Variants in PCDHGA7 observed in about 807,000 individuals in gnomAD.
PCDHGA7 encodes protocadherin gamma subfamily A, 7, also known as protocadherin gamma-A7.
A neutral mutation model predicts 58.3 loss-of-function variants in PCDHGA7; 44 were observed. The observed-to-expected ratio is 0.75, with a 90% CI of 0.59 to 0.97. The LOEUF (loss-of-function observed/expected upper bound fraction) is 0.97. PCDHGA7 is among the 50% of genes least tolerant of loss of function. The pLI is 0.00. For missense variants in PCDHGA7, 1,266 were observed against 1,188.7 expected (o/e 1.06, Z -0.96); for synonymous variants, 516 against 504.2 (o/e 1.02, Z -0.31).
Position 141,491,030 on chromosome 5 carries a change from C to T in PCDHGA7, c.2425-3777C>T. ...GTCACCAAGGTGACAGCCGTGGATG[C>T]TGATGCAGGCCACAATGCGTGGCTC... On this transcript the variant is annotated intron_variant, in intron 1 of 3. Transcript: ENST00000518325. The surrounding 1 kb of genome is among the most constrained non-coding windows in gnomAD (Gnocchi z 6.9). 6.2e-7 allele frequency: 1 copy of T among 1,614,148 alleles called. No individual in the cohort carries two copies. Among genetic ancestry groups the T allele is most frequent in the South Asian group, 1.1e-5 (1 of 91,088 alleles).
rs765563941 is a variant in PCDHGA7 at position 141,383,705 on chromosome 5, T to G, written c.806T>G (p.Leu269Arg). Residue 269 changes from leucine to arginine, a missense_variant, in exon 1 of 4, where the codon CTG (leucine) becomes CGG (arginine). By Grantham distance (102) the Leu-to-Arg change is moderately radical (BLOSUM62 -2). Transcript: ENST00000518325. ...TRLLTVHAID[L>R]DEGVNGEVTY... is the part of the protein sequence containing the mutation. ...CTGCTCACGGTACATGCTATCGACC[T>G]GGACGAGGGAGTCAATGGGGAAGTG... 3.1e-6 allele frequency: 5 copies of G among 1,613,902 alleles called. No homozygotes were observed. Among genetic ancestry groups the G allele is most frequent in the Non-Finnish European group, 4.2e-6 (5 of 1,179,894 alleles).
chr5:141,406,998 A>T (rs138992041), intron 1 of PCDHGA7, among the ~76,000 whole-genome samples: 1 of 152,234 alleles, frequency 6.6e-6, no homozygotes, highest in Non-Finnish European at 1.5e-5. Context: ...ATTTGAAAAT[A>T]AGCTTTGAAG....
chr5:141,399,704 T>A, intron 1 of PCDHGA7: 1 of 1,613,424 alleles, frequency 6.2e-7, no homozygotes, highest in Non-Finnish European at 8.5e-7. Context: ...ACCTTCGAAC[T>A]CACACTACAG....
chr5:141,412,040 G>A (rs1046669003), intron 1 of PCDHGA7: 1 of 152,230 alleles, frequency 6.6e-6, no homozygotes, highest in African/African-American at 2.4e-5. Flanking sequence ...TGTGAAAGAA[G>A]TGAACTTCTA....
chr5:141,500,989 C>T (rs779352768), intron 2 of PCDHGA7, among the ~76,000 whole-genome samples: 1 of 152,040 alleles, frequency 6.6e-6, no homozygotes, highest in Non-Finnish European at 1.5e-5. Context: ...CTGCCTCAGC[C>T]TCCTGAGTAG....
chr5:141,404,250 C>A lies in PCDHGA7; in HGVS notation c.2424+18927C>A, dbSNP rs1282621596. 2.5e-6 allele frequency: 4 copies of A among 1,613,886 alleles called. No homozygotes were observed. In the Admixed American group the frequency reaches 5.0e-5, roughly 20 times the overall value. On this transcript the variant is annotated intron_variant, in intron 1 of 3. Coordinates refer to ENST00000518325, the MANE Select transcript of PCDHGA7 (RefSeq NM_018920.4). Reference sequence around the variant, plus strand: ...ACAGACAGAGGAACTCCGCCCCTGTCCACAGAAATTCACATCACCCTGCAA... The same window carrying A: ...ACAGACAGAGGAACTCCGCCCCTGTACACAGAAATTCACATCACCCTGCAA...
At chr5:141,496,799 G>C (rs2099771487) in intron 2 of PCDHGA7, among the ~76,000 whole-genome samples, 1 of 151,912 alleles carries the variant, frequency 6.6e-6, no homozygotes, top group African/African-American at 2.4e-5. Context: ...TAAACATTGG[G>C]CTATAGGAGT....
rs1404656316 is a variant in PCDHGA7 at position 141,486,648 on chromosome 5, A to G, written c.2425-8159A>G. 6.2e-7 allele frequency: 1 copy of G among 1,613,298 alleles called. No individual in the cohort carries two copies. The highest frequency in any genetic ancestry group is 8.5e-7 in the Non-Finnish European group (1 of 1,179,892). The stretch of plus-strand genomic sequence containing the variant: ...TCTGGCTTGAATGCGCTTATCTCCT[A>G]CTCACTCCTGGAGCCCAGGAATCGA... On this transcript the variant is annotated intron_variant, in intron 1 of 3. Coordinates refer to ENST00000518325, the MANE Select transcript of PCDHGA7 (RefSeq NM_018920.4). This position sits in a 1 kb window ranked among gnomAD's most constrained non-coding sequence, Gnocchi z 5.0.
intron 1 of PCDHGA7, among the ~76,000 whole-genome samples, chr5:141,438,833 T>C (rs989612425): frequency 6.6e-6 from 1 of 150,476 alleles, no homozygotes; most frequent in Non-Finnish European, 1.5e-5. Context: ...AGCTAATTTT[T>C]TAAAATATTT....
At position 141,424,020 on chromosome 5, in the gene PCDHGA7, C is replaced by A. The variant is rs1326303938; in HGVS notation, c.2424+38697C>A. ...TATATAGATACAAATTAATGATTCA[C>A]AAACACTTTTTATTTCCATTTCAAT... On this transcript the variant is annotated intron_variant, in intron 1 of 3. Coordinates refer to ENST00000518325, the MANE Select transcript of PCDHGA7 (RefSeq NM_018920.4). 3 of 1,050,122 alleles carry A rather than the reference C, an allele frequency of 2.9e-6. No individual in the cohort carries two copies. In the East Asian group the frequency reaches 2.2e-4, roughly 77 times the overall value. The allele number at this position is 1,050,122 out of a possible 1,614,324, so 65.1% of individuals were successfully genotyped here. A position where few individuals can be genotyped will look rare whatever the true frequency, so the allele number is the denominator to read the frequency against.
At position 141,384,782 on chromosome 5, in the gene PCDHGA7, C is replaced by G. The variant is rs746906389; in HGVS notation, c.1883C>G (p.Thr628Arg). Reference protein sequence around the residue: ...AVGLYTGEVRTARALLDRDAL... With the variant: ...AVGLYTGEVRRARALLDRDAL... ...GGGCTGTACACGGGCGAGGTGCGCACGGCTCGGGCCCTGCTGGACAGAGAT... is the reference window on the plus strand; with the variant it reads ...GGGCTGTACACGGGCGAGGTGCGCAGGGCTCGGGCCCTGCTGGACAGAGAT... The change falls in exon 1 of 4, where the codon ACG becomes AGG. Residue 628 changes from threonine (T) to arginine (R), a missense_variant. By Grantham distance (71) the Thr-to-Arg change is moderately conservative. Coordinates refer to ENST00000518325, the MANE Select transcript of PCDHGA7 (RefSeq NM_018920.4). 1 of 1,613,642 alleles carries G rather than the reference C, an allele frequency of 6.2e-7. No homozygotes were observed. Among genetic ancestry groups the G allele is most frequent in the Non-Finnish European group, 8.5e-7 (1 of 1,179,944 alleles).
intron 1 of PCDHGA7, among the ~76,000 whole-genome samples, chr5:141,451,717 A>G (rs2098722445): frequency 6.6e-6 from 1 of 152,166 alleles, no homozygotes; most frequent in Non-Finnish European, 1.5e-5. Context: ...CCCTGCCTCT[A>G]CTAAAAATAC....
chr5:141,468,315 C>T (rs1197043569), intron 1 of PCDHGA7: 4 of 120,552 alleles, frequency 3.3e-5, no homozygotes, highest in Non-Finnish European at 5.0e-5. Context: ...ACAAGAGCAA[C>T]GGTAAACTCC....
At chr5:141,404,692 C>G (rs543452623) in intron 1 of PCDHGA7, 2 of 1,614,080 alleles carry the variant, frequency 1.2e-6, no homozygotes, top group South Asian at 2.2e-5. Context: ...TGGCACCCCG[C>G]TCTGCAGAGC....
chr5:141,488,915 G>A (rs942297924), intron 1 of PCDHGA7, among the ~76,000 whole-genome samples: 12 of 152,180 alleles, frequency 7.9e-5, no homozygotes, highest in Non-Finnish European at 2.9e-5. Flanking sequence ...TGTTCCCAAG[G>A]TTTCCAGGAT....
chr5:141,417,751 C>T, intron 1 of PCDHGA7: 1 of 1,427,514 alleles, frequency 7.0e-7, no homozygotes, highest in Non-Finnish European at 9.2e-7. Flanking sequence ...AGATTGCCAG[C>T]TCCGAGACCC....
intron 1 of PCDHGA7, among the ~76,000 whole-genome samples, chr5:141,459,307 A>G (rs1175102009): frequency 6.6e-6 from 1 of 152,198 alleles, no homozygotes; most frequent in Non-Finnish European, 1.5e-5. Context: ...AACATATACT[A>G]TTTTGTATCC....
rs559975786 is a variant in PCDHGA7, at chr5:141,406,591, A to G, written c.2424+21268A>G. Among the ~76,000 whole-genome samples, 5 of 152,282 alleles carry G rather than the reference A, an allele frequency of 3.3e-5. No homozygotes were observed. The East Asian group carries it at 9.6e-4, about 29-fold the overall frequency. On this transcript the variant is annotated intron_variant, in intron 1 of 3. Transcript: ENST00000518325. ...CTAGTAAACCAATTTTTTCCCTTTAATGGTGAAAGTTGTCACATCTTTTAT... is the reference window on the plus strand; with the variant it reads ...CTAGTAAACCAATTTTTTCCCTTTAGTGGTGAAAGTTGTCACATCTTTTAT...
intron 1 of PCDHGA7, chr5:141,389,305 C>T: frequency 6.2e-7 from 1 of 1,614,004 alleles, no homozygotes; most frequent in Non-Finnish European, 8.5e-7. Flanking sequence ...CAAGTCAGGG[C>T]TTCTGATCCG....
Sources: gnomAD v4.1 joint callset for allele counts (sites outside exome capture counted in the v4.1 genomes callset) on GRCh38, gnomAD v4.1.1 for gene constraint, Gnocchi (gnomAD v3.1) non-coding constraint, MANE v1.5 for transcripts, NCBI Gene and HGNC (gene_info 2026-07-23, HGNC 2026-07-21) for gene names.